Variants in FRAS1 observed in about 807,000 individuals in gnomAD.
FRAS1 encodes the protein Fraser extracellular matrix complex subunit 1, also known as extracellular matrix organizing protein FRAS1.
In FRAS1, 290 loss-of-function variants were observed where a neutral mutation model predicts 435.2. The observed-to-expected ratio is 0.67, with a 90% CI of 0.61 to 0.73. The LOEUF is 0.73. Among genes scored for constraint, FRAS1 ranks in the 30% least tolerant of loss-of-function variants. FRAS1 has a pLI of 0.00. For synonymous variants in FRAS1, 1,800 were observed against 1,851.0 expected, an observed-to-expected ratio of 0.97 and a Z score of 0.71; for missense variants, 4,860 against 5,001.5, an observed-to-expected ratio of 0.97 and a Z score of 0.85.
intron 31 of FRAS1, among the ~76,000 whole-genome samples, chr4:78,412,348 G>A (rs947641261): frequency 6.6e-6 from 1 of 152,178 alleles, no homozygotes; most frequent in African/African-American, 2.4e-5. Flanking sequence ...TGATGAGGAG[G>A]GAGAAGCTGC....
At chr4:78,140,439 C>A (rs887106955) in intron 2 of FRAS1, among the ~76,000 whole-genome samples, 1 of 151,986 alleles carries the variant, frequency 6.6e-6, no homozygotes, top group Non-Finnish European at 1.5e-5. Flanking sequence ...TTTCTAGTTC[C>A]TCCAGGAACT....
chr4:78,387,448 T>A lies in FRAS1; in HGVS notation c.3722T>A (p.Leu1241His). 1 of 1,613,830 alleles carries A rather than the reference T, an allele frequency of 6.2e-7. No individual in the cohort carries two copies. Among genetic ancestry groups the A allele is most frequent in the East Asian group, 2.2e-5 (1 of 44,876 alleles). ...GERATITTQM[L>H]DIRDDDNPQD... is the part of the protein sequence containing the mutation. ...AGGGCAACCATCACCACCCAGATGCTTGACATCCGAGATGATGACAACCCA... is the reference window on the plus strand; with the variant it reads ...AGGGCAACCATCACCACCCAGATGCATGACATCCGAGATGATGACAACCCA... Residue 1241 changes from leucine to histidine, a missense_variant, in exon 29 of 74, where the codon CTT becomes CAT. By Grantham distance (99) the Leu-to-His change is moderately conservative. Coordinates refer to ENST00000512123, the MANE Select transcript of FRAS1 (RefSeq NM_025074.7).
chr4:78,450,036 G>A (rs1463210654), intron 44 of FRAS1, 115 bp from the exon 45 acceptor site: 6 of 682,666 alleles, frequency 8.8e-6, no homozygotes, highest in Non-Finnish European at 1.4e-5. Context: ...CAAGTGCCTG[G>A]TACCTAGATC....
chr4:78,096,044 G>A (rs1741787363), intron 2 of FRAS1, among the ~76,000 whole-genome samples: 1 of 152,190 alleles, frequency 6.6e-6, no homozygotes, highest in Non-Finnish European at 1.5e-5. Flanking sequence ...TCAAAAGCAA[G>A]TTAGTTACTT....
intron 61 of FRAS1, among the ~76,000 whole-genome samples, chr4:78,501,370 C>T (rs780489341): frequency 1.1e-4 from 17 of 152,170 alleles, no homozygotes; most frequent in African/African-American, 2.9e-4. Context: ...CTATTATTGA[C>T]GGCCATTTGG....
intron 22 of FRAS1, among the ~76,000 whole-genome samples, chr4:78,368,223 T>C (rs1413484415): frequency 6.8e-6 from 1 of 146,464 alleles, no homozygotes; most frequent in African/African-American, 2.6e-5. Context: ...TGAAAATAAT[T>C]AGAACTGAAA....
intron 61 of FRAS1, among the ~76,000 whole-genome samples, chr4:78,501,111 C>A (rs1407961196): frequency 6.6e-6 from 1 of 152,130 alleles, no homozygotes; most frequent in Non-Finnish European, 1.5e-5. Context: ...TGCTATCCCT[C>A]CCCCAGCCCT....
intron 14 of FRAS1, among the ~76,000 whole-genome samples, chr4:78,292,114 C>T (rs1381291475): frequency 6.6e-6 from 1 of 152,128 alleles, no homozygotes; most frequent in Non-Finnish European, 1.5e-5. Flanking sequence ...ATTATTGAAA[C>T]CATTCCTTTA....
intron 2 of FRAS1, among the ~76,000 whole-genome samples, chr4:78,223,028 G>A (rs189687181): frequency 2.3e-4 from 35 of 152,232 alleles, no homozygotes; most frequent in Admixed American, 1.2e-3. Flanking sequence ...GCTTCTTTTC[G>A]GTGGCTTCCT....
intron 8 of FRAS1, 42 bp downstream of exon 8, chr4:78,266,977 G>T: frequency 7.2e-7 from 1 of 1,395,598 alleles, no homozygotes; most frequent in East Asian, 2.4e-5. Flanking sequence ...GCTCTTTTCT[G>T]GGTCATTTAA....
At chr4:78,450,031 G>A in intron 44 of FRAS1, 120 bp from the exon 45 acceptor site, 1 of 651,722 alleles carries the variant, frequency 1.5e-6, no homozygotes, top group East Asian at 2.8e-5. Flanking sequence ...AAGGGCAAGT[G>A]CCTGGTACCT....
At chr4:78,222,110 T>C (rs940213229) in intron 2 of FRAS1, among the ~76,000 whole-genome samples, 1 of 152,086 alleles carries the variant, frequency 6.6e-6, no homozygotes, top group African/African-American at 2.4e-5. Context: ...ATCTGGACTA[T>C]GTATTAATGG....
chr4:78,173,064 G>A (rs374510372), intron 2 of FRAS1, among the ~76,000 whole-genome samples: 47 of 152,284 alleles, frequency 3.1e-4, no homozygotes, highest in African/African-American at 9.1e-4. Context: ...AGGTGTGCTC[G>A]AAAGGCTGAC....
At chr4:78,420,208 A>G (rs1160645657) in intron 33 of FRAS1, among the ~76,000 whole-genome samples, 3 of 152,244 alleles carry the variant, frequency 2.0e-5, no homozygotes, top group African/African-American at 7.2e-5. Flanking sequence ...TCTCAGAGAG[A>G]AAAGTCAAAA....
At chr4:78,221,153 G>A (rs1461688362) in intron 2 of FRAS1, among the ~76,000 whole-genome samples, 1 of 152,166 alleles carries the variant, frequency 6.6e-6, no homozygotes, top group Non-Finnish European at 1.5e-5. Context: ...GGGCGACATA[G>A]CCAGACTCTC....
At chr4:78,284,295 C>A (rs963954597) in intron 12 of FRAS1, 110 bp from the exon 13 acceptor site, 13 of 454,638 alleles carry the variant, frequency 2.9e-5, no homozygotes, top group African/African-American at 2.0e-4. Flanking sequence ...GTTTTCTGTT[C>A]TTCATGTTCT....
At chr4:78,415,211 T>C (rs1413684510) in intron 32 of FRAS1, among the ~76,000 whole-genome samples, 1 of 152,150 alleles carries the variant, frequency 6.6e-6, no homozygotes, top group African/African-American at 2.4e-5. Flanking sequence ...CATTCCTGAA[T>C]TACTTCACTT....
chr4:78,141,931 C>G (rs1400228629), intron 2 of FRAS1, among the ~76,000 whole-genome samples: 1 of 151,972 alleles, frequency 6.6e-6, no homozygotes, highest in Non-Finnish European at 1.5e-5. Flanking sequence ...GGGAGCTAAG[C>G]TATGAGGATG....
chr4:78,469,965 C>G lies in FRAS1; in HGVS notation c.7258-13C>G. 5.0e-6 allele frequency: 8 copies of G among 1,592,960 alleles called. No individual in the cohort carries two copies. Among genetic ancestry groups the G allele is most frequent in the South Asian group, 1.1e-5 (1 of 90,026 alleles). ...TGTGAATGATGAGTTTTCTTTTCTG[C>G]CCTCCCCTTCAGATTATGACAGCAG... On this transcript the variant is annotated splice_polypyrimidine_tract_variant and intron_variant, in intron 50 of 73. Transcript: ENST00000512123.
Sources: gnomAD v4.1 joint callset for allele counts (sites outside exome capture counted in the v4.1 genomes callset) on GRCh38, gnomAD v4.1.1 for gene constraint, MANE v1.5 for transcripts, NCBI Gene and HGNC (gene_info 2026-07-23, HGNC 2026-07-21) for gene names.